The following NDOR1 variants were observed in gnomAD, a reference collection of about 807,000 sequenced individuals.
NDOR1 encodes NADPH-dependent diflavin oxidoreductase 1.
NDOR1 carries 61 observed loss-of-function variants against 67.2 expected under a neutral mutation model. That is an observed-to-expected ratio of 0.91 (90% CI 0.74 to 1.12). NDOR1 has a LOEUF of 1.12. NDOR1 is among the 50% of genes most tolerant of loss of function. NDOR1 has a pLI of 0.00. For synonymous variants in NDOR1, 378 were observed against 343.7 expected, an observed-to-expected ratio of 1.10 and a Z score of -1.10; for missense variants, 878 against 802.8, an observed-to-expected ratio of 1.09 and a Z score of -1.13.
intron 2 of NDOR1, 92 bp downstream of exon 2, chr9:137,206,401 C>T (rs1452374994): frequency 7.7e-6 from 10 of 1,294,128 alleles, no homozygotes; most frequent in South Asian, 1.2e-5. Context: ...AAATAGCTCT[C>T]CTTTATCTCA....
At position 137,214,383 on chromosome 9, in the gene NDOR1, T is replaced by C; in HGVS notation, c.692T>C (p.Ile231Thr). The change falls in exon 6 of 14, where the codon ATT (isoleucine) becomes ACT (threonine). Residue 231 changes from isoleucine (I) to threonine (T), a missense_variant. Physicochemically the swap from Ile to Thr is moderately conservative, Grantham distance 89. Transcript: ENST00000684003. ...TCCCACTTCCAGGACGTTCGGCTGA[T>C]TGAGTTTGACATCTTGGGCTCTGGC... ...GPSHFQDVRL[I>T]EFDILGSGIS... 2 of 1,614,098 alleles carry C rather than the reference T, an allele frequency of 1.2e-6. No individual in the cohort carries two copies. The highest frequency in any genetic ancestry group is 1.7e-6 in the Non-Finnish European group (2 of 1,180,022).
At position 137,213,968 on chromosome 9, in the gene NDOR1, C is replaced by A; in HGVS notation, c.412C>A (p.Pro138Thr). Residue 138 changes from proline (P) to threonine (T), a missense_variant and splice_region_variant, in exon 5 of 14, where the codon CCC (proline) becomes ACC (threonine). By Grantham distance (38) the Pro-to-Thr change is conservative. Transcript: ENST00000684003. ...GCCAGCGCACGTGCTCCCTCCCAGG[C>A]CCGACGCTGCTGTGGACCCCTGGCT... ...CLGDDQHELG[P>T]DAAVDPWLRD... is the part of the protein sequence containing the mutation. 1 of 1,561,510 alleles carries A rather than the reference C, an allele frequency of 6.4e-7. No homozygotes were observed. The highest frequency in any genetic ancestry group is 1.2e-5 in the South Asian group (1 of 85,404).
chr9:137,206,387 C>A, intron 2 of NDOR1, 78 bp downstream of exon 2: 1 of 1,391,082 alleles, frequency 7.2e-7, no homozygotes, highest in Non-Finnish European at 1.0e-6. Context: ...CGTCTAGGTG[C>A]AGTAAATAGC....
At position 137,212,449 on chromosome 9, in the gene NDOR1, T is replaced by C; in HGVS notation, c.214-53T>C. The C allele has an allele frequency of 1.3e-6, 2 of 1,512,270 alleles. No individual in the cohort carries two copies. The highest frequency in any genetic ancestry group is 1.8e-6 in the Non-Finnish European group (2 of 1,087,580). 93.7% of individuals were successfully genotyped at this position (1,512,270 alleles called of 1,614,324 possible). Reference sequence around the variant, plus strand: ...GAGACCCTCCCCTCACCCCCTGCTGTGGGGCTAGCCTAGAGGTCGAGGACT... The same window carrying C: ...GAGACCCTCCCCTCACCCCCTGCTGCGGGGCTAGCCTAGAGGTCGAGGACT... On this transcript the variant is annotated intron_variant, in intron 2 of 13. Transcript: ENST00000684003. The surrounding 1 kb of genome is among the most constrained non-coding windows in gnomAD (Gnocchi z 4.3).
At position 137,215,443 on chromosome 9, in the gene NDOR1, G is replaced by A. The variant is rs1835513019; in HGVS notation, c.1210G>A (p.Val404Met). 1 of 1,613,284 alleles carries A rather than the reference G, an allele frequency of 6.2e-7. No homozygotes were observed. Among genetic ancestry groups the A allele is most frequent in the Non-Finnish European group, 8.5e-7 (1 of 1,179,948 alleles). The change falls in exon 10 of 14, where the codon GTG becomes ATG. Residue 404 changes from valine (V) to methionine (M), a missense_variant. Val to Met is a conservative substitution (Grantham distance 21). Coordinates refer to ENST00000684003, the MANE Select transcript of NDOR1 (RefSeq NM_014434.4). ...ACGGCTGCAGATCCTCGTGGCTGTA[G>A]TGCAGTTCCAGACTCGCCTCAAGGA... ...PSRLQILVAV[V>M]QFQTRLKEPR...
Position 137,218,211 on chromosome 9 carries a change from G to A in NDOR1, c.*1795G>A, listed in dbSNP as rs1588825230. The A allele has an allele frequency of 2.5e-6, 1 of 398,434 alleles. No homozygotes were observed. Among genetic ancestry groups the A allele is most frequent in the South Asian group, 1.3e-4 (1 of 7,876 alleles). The allele number at this position is 398,434 out of a possible 1,614,324, so 24.7% of individuals were successfully genotyped here. A position where few individuals can be genotyped will look rare whatever the true frequency, so the allele number is the denominator to read the frequency against. ...AGTGCCGACCTGGGCCGGGTGCGCT[G>A]CCCGCTGTGCCGCCAGAAGACGCCC... On this transcript the variant is annotated 3_prime_UTR_variant, in exon 14 of 14. Coordinates refer to ENST00000684003, the MANE Select transcript of NDOR1 (RefSeq NM_014434.4).
At position 137,214,567 on chromosome 9, in the gene NDOR1, C is replaced by G; in HGVS notation, c.723-3C>G. 2 of 1,611,454 alleles carry G rather than the reference C, an allele frequency of 1.2e-6. No homozygotes were observed. The highest frequency in any genetic ancestry group is 1.7e-6 in the Non-Finnish European group (2 of 1,179,918). ...CACAGCCCTGGTGGCTTCTTCCACACAGCTTTGCTGCTGGTGATGTGGTGC... is the reference window on the plus strand; with the variant it reads ...CACAGCCCTGGTGGCTTCTTCCACAGAGCTTTGCTGCTGGTGATGTGGTGC... On this transcript the variant is annotated splice_polypyrimidine_tract_variant and splice_region_variant and intron_variant, in intron 6 of 13. Transcript: ENST00000684003.
chr9:137,213,408 G>A (rs559970985), intron 3 of NDOR1, among the ~76,000 whole-genome samples: 2 of 152,330 alleles, frequency 1.3e-5, no homozygotes, highest in Non-Finnish European at 2.9e-5. Context: ...CCAGCACAGA[G>A]TTTCTCAGCT....
At chr9:137,215,614 G>A (rs1375343168) in intron 10 of NDOR1, 45 bp from the exon 11 acceptor site, 4 of 1,596,938 alleles carry the variant, frequency 2.5e-6, no homozygotes, top group African/African-American at 1.3e-5. Context: ...AGCAGACTCA[G>A]CACAGGTCTT....
At chr9:137,216,218 G>A (rs1013192966) in intron 13 of NDOR1, 30 bp downstream of exon 13, 4 of 1,612,932 alleles carry the variant, frequency 2.5e-6, no homozygotes, top group African/African-American at 1.3e-5. Flanking sequence ...GCAGGAGTGG[G>A]CCCAGCCCCT....
At position 137,216,587 on chromosome 9, in the gene NDOR1, C is replaced by T. The variant is rs56239320; in HGVS notation, c.*171C>T. 1,041 of 862,756 alleles carry T rather than the reference C, an allele frequency of 1.2e-3. 6 individuals are homozygous for T. In the African/African-American group the frequency reaches 0.016, roughly 13 times the overall value. 53.4% of individuals were successfully genotyped at this position (862,756 alleles called of 1,614,324 possible). ...GCACTCCTGTTGACCCTGGATCCCA[C>T]CCTTTGAGCCTGACCCCACTGCAGC... On this transcript the variant is annotated 3_prime_UTR_variant, in exon 14 of 14. Transcript: ENST00000684003.
chr9:137,207,883 G>A (rs1448796453), intron 2 of NDOR1, among the ~76,000 whole-genome samples: 10 of 152,174 alleles, frequency 6.6e-5, no homozygotes, highest in African/African-American at 1.9e-4. Flanking sequence ...GGTGGCTCAC[G>A]CCTGTAATCT....
In NDOR1 at chr9:137,205,732, T is replaced by C. The variant is rs755803501; in HGVS notation, c.-46T>C. 3.6e-5 allele frequency: 58 copies of C among 1,597,912 alleles called. No homozygotes were observed. The highest frequency in any genetic ancestry group is 1.9e-4 in the South Asian group (17 of 91,032). On this transcript the variant is annotated 5_prime_UTR_variant, in exon 1 of 14. Coordinates refer to ENST00000684003, the MANE Select transcript of NDOR1 (RefSeq NM_014434.4). ...TCCCTGCAACCCGGCCGGCGGGAAC[T>C]GCCTTCTAGTTTTTAGTCTCAGACC...
In NDOR1 at chr9:137,212,628, C is replaced by T. The variant is rs745787345; in HGVS notation, c.311+29C>T. ...AGTAGGGGATGGGACAGTGGGCGGA[C>T]GGAACAGTTCTGGGGGTCGAGCAAC... On this transcript the variant is annotated intron_variant, in intron 3 of 13. Coordinates refer to ENST00000684003, the MANE Select transcript of NDOR1 (RefSeq NM_014434.4). This position sits in a 1 kb window ranked among gnomAD's most constrained non-coding sequence, Gnocchi z 4.3. 1.2e-5 allele frequency: 19 copies of T among 1,586,340 alleles called. No homozygotes were observed. Among genetic ancestry groups the T allele is most frequent in the Admixed American group, 3.3e-5 (2 of 59,948 alleles).
intron 2 of NDOR1, among the ~76,000 whole-genome samples, chr9:137,208,892 T>C (rs1405834845): frequency 6.6e-6 from 1 of 151,890 alleles, no homozygotes; most frequent in African/African-American, 2.4e-5. Context: ...GTTGTTGGTT[T>C]GTTTTGAGAC....
chr9:137,213,076 G>A (rs979697419), intron 3 of NDOR1, among the ~76,000 whole-genome samples: 3 of 152,192 alleles, frequency 2.0e-5, no homozygotes, highest in Non-Finnish European at 2.9e-5. Flanking sequence ...GTCCACGTAG[G>A]GCCCAGGTCC....
chr9:137,216,473 C>A lies in NDOR1; in HGVS notation c.*57C>A, dbSNP rs986495346. 5.1e-6 allele frequency: 8 copies of A among 1,557,522 alleles called. No individual in the cohort carries two copies. The highest frequency in any genetic ancestry group is 1.1e-5 in the South Asian group (1 of 86,966). On this transcript the variant is annotated 3_prime_UTR_variant, in exon 14 of 14. Transcript: ENST00000684003. The stretch of plus-strand genomic sequence containing the variant: ...CCATCCTCCTGGGAGCCCAGGAAGG[C>A]ATCCACGAGGGAGCTCCTGGCCAGC...
intron 2 of NDOR1, among the ~76,000 whole-genome samples, chr9:137,211,995 G>A (rs929547558): frequency 2.6e-5 from 4 of 152,150 alleles, no homozygotes; most frequent in Admixed American, 6.5e-5. Flanking sequence ...GTGTCTCAGC[G>A]ACACTGGAAC....
rs769476362 is a variant in NDOR1, at chr9:137,214,210, C to G, written c.519C>G (p.Pro173=). Residue 173 remains proline (P), a synonymous_variant, in exon 6 of 14, where the codon CCC becomes CCG. Transcript: ENST00000684003. ...CCAGCGTGCCCTCCCACAGCCTGCCCTCCAAGTTCACCCTGCTGTTCCTCC... is the reference window on the plus strand; with the variant it reads ...CCAGCGTGCCCTCCCACAGCCTGCCGTCCAAGTTCACCCTGCTGTTCCTCC... The part of the protein sequence containing the change: ...LTEIPPGVPL[P]SKFTLLFLQE... The G allele has an allele frequency of 1.2e-6, 2 of 1,611,058 alleles. No homozygotes were observed. Among genetic ancestry groups the G allele is most frequent in the African/African-American group, 1.3e-5 (1 of 74,984 alleles).
Sources: allele counts gnomAD v4.1 joint callset (sites outside exome capture counted in the v4.1 genomes callset), GRCh38; gene constraint gnomAD v4.1.1; non-coding constraint Gnocchi (gnomAD v3.1); transcripts MANE v1.5; gene names NCBI Gene and HGNC (gene_info 2026-07-23, HGNC 2026-07-21).